Variants in OR52E4 observed in about 807,000 individuals in gnomAD.
OR52E4 encodes the protein olfactory receptor family 52 subfamily E member 4, also known as olfactory receptor 52E4.
For missense variants in OR52E4, 444 were observed against 383.8 expected (o/e 1.16, Z -1.31); for synonymous variants, 169 against 137.4 (o/e 1.23, Z -1.61).
At position 5,884,418 on chromosome 11, in the gene OR52E4, G is replaced by A. The variant is rs1847007443; in HGVS notation, c.126G>A (p.Val42=). The A allele has an allele frequency of 2.5e-6, 4 of 1,613,242 alleles. No individual in the cohort carries two copies. The Admixed American group carries it at 5.0e-5, about 20-fold the overall frequency. ...GTATTGTGTACCTGATTGCCATTGT[G>A]GGGAATATGACCATTCTCTTTGTGA... ...PFCIVYLIAI[V]GNMTILFVIK... is the part of the protein sequence containing the mutation. The change falls in exon 2 of 2, where the codon GTG becomes GTA. Residue 42 remains valine (V), a synonymous_variant. Transcript: ENST00000641726.
In OR52E4 at chr11:5,884,416, G is replaced by A. The variant is rs1350552102; in HGVS notation, c.124G>A (p.Val42Met). 1 of 1,613,244 alleles carries A rather than the reference G, an allele frequency of 6.2e-7. No homozygotes were observed. Among genetic ancestry groups the A allele is most frequent in the African/African-American group, 1.3e-5 (1 of 74,826 alleles). Reference sequence around the variant, plus strand: ...CTGTATTGTGTACCTGATTGCCATTGTGGGGAATATGACCATTCTCTTTGT... The same window carrying A: ...CTGTATTGTGTACCTGATTGCCATTATGGGGAATATGACCATTCTCTTTGT... The part of the protein sequence containing the change: ...PFCIVYLIAI[V>M]GNMTILFVIK... The change falls in exon 2 of 2, where the codon GTG becomes ATG. Residue 42 changes from valine to methionine, a missense_variant. Physicochemically the swap from Val to Met is conservative, Grantham distance 21. Transcript: ENST00000641726.
chr11:5,884,506 G>C lies in OR52E4; in HGVS notation c.214G>C (p.Asp72His), dbSNP rs1847009619. 1.2e-6 allele frequency: 2 copies of C among 1,613,472 alleles called. No individual in the cohort carries two copies. Among genetic ancestry groups the C allele is most frequent in the Non-Finnish European group, 1.7e-6 (2 of 1,179,650 alleles). ...FYFLAMLSMI[D>H]LGLSTSTIPK... ...CTTCCTGGCCATGTTGTCTATGATT[G>C]ATCTGGGTCTGTCCACATCCACTAT... is the stretch of plus-strand genomic sequence containing the variant. The change falls in exon 2 of 2, where the codon GAT becomes CAT. Residue 72 changes from aspartate to histidine, a missense_variant. Physicochemically the swap from Asp to His is moderately conservative, Grantham distance 81. Transcript: ENST00000641726.
At chr11:5,882,723 A>ACT (rs952891717) in intron 1 of OR52E4, among the ~76,000 whole-genome samples, 2 of 149,232 alleles carry the variant, frequency 1.3e-5, no homozygotes, top group Middle Eastern at 3.2e-3. Flanking sequence ...TCTCTCTCTC[A>ACT]CTCTCTGTCT....
intron 1 of OR52E4, among the ~76,000 whole-genome samples, chr11:5,882,220 TAA>T (rs1306875604): frequency 6.6e-6 from 1 of 152,046 alleles, no homozygotes; most frequent in Non-Finnish European, 1.5e-5. Context: ...AGAATTCAGG[TAA>T]AACTGTGAGA....
At position 5,884,744 on chromosome 11, in the gene OR52E4, T is replaced by C. The variant is rs111493577; in HGVS notation, c.452T>C (p.Val151Ala). The change falls in exon 2 of 2, where the codon GTT becomes GCT. Residue 151 changes from valine to alanine, a missense_variant. Val to Ala is a moderately conservative substitution (Grantham distance 64, BLOSUM62 0). Coordinates refer to ENST00000641726, the MANE Select transcript of OR52E4 (RefSeq NM_001005165.2). The stretch of plus-strand genomic sequence containing the variant: ...ATCAGTATCCTAGCTTCTGTGGTTG[T>C]TGGAAGAAATTTAGTTCTTGTAACC... ...KTISILASVV[V>A]GRNLVLVTPF... The C allele has an allele frequency of 1.2e-6, 2 of 1,613,570 alleles. No individual in the cohort carries two copies. The highest frequency in any genetic ancestry group is 2.2e-5 in the East Asian group (1 of 44,870).
At chr11:5,881,784 A>G (rs1846966630) in intron 1 of OR52E4, among the ~76,000 whole-genome samples, 1 of 152,104 alleles carries the variant, frequency 6.6e-6, no homozygotes, top group African/African-American at 2.4e-5. Context: ...ATTAAAATAA[A>G]CCACATTAGT....
Position 5,884,201 on chromosome 11 carries a change from G to C in OR52E4, c.-74-18G>C, listed in dbSNP as rs146417944. On this transcript the variant is annotated intron_variant, in intron 1 of 1. Coordinates refer to ENST00000641726, the MANE Select transcript of OR52E4 (RefSeq NM_001005165.2). ...CATTACCTCTAGCACACTGATAAGA[G>C]TCTTTCTGTTTCTTCAGGAACTTGA... 5.8e-6 allele frequency: 5 copies of C among 866,858 alleles called. No individual in the cohort carries two copies. The highest frequency in any genetic ancestry group is 2.3e-4 in the Middle Eastern group (1 of 4,368). 53.7% of individuals were successfully genotyped at this position (866,858 alleles called of 1,614,324 possible). A position where few individuals can be genotyped will look rare whatever the true frequency, so the allele number is the denominator to read the frequency against.
Position 5,885,115 on chromosome 11 carries a change from A to C in OR52E4, c.823A>C (p.Ile275Leu). The C allele has an allele frequency of 1.2e-6, 2 of 1,613,394 alleles. No individual in the cohort carries two copies. Among genetic ancestry groups the C allele is most frequent in the Non-Finnish European group, 1.7e-6 (2 of 1,179,658 alleles). Residue 275 changes from isoleucine to leucine, a missense_variant, in exon 2 of 2, where the codon ATT becomes CTT. Ile to Leu is a conservative substitution (Grantham distance 5). Coordinates refer to ENST00000641726, the MANE Select transcript of OR52E4 (RefSeq NM_001005165.2). ...FGQNIPHYIH[I>L]LLANLYVVVP... ...CCAAAACATTCCCCACTATATCCAT[A>C]TTCTTTTGGCTAACCTGTATGTGGT...
In OR52E4 at chr11:5,884,374, T is replaced by C; in HGVS notation, c.82T>C (p.Trp28Arg). The C allele has an allele frequency of 6.2e-7, 1 of 1,613,246 alleles. No homozygotes were observed. Among genetic ancestry groups the C allele is most frequent in the Non-Finnish European group, 8.5e-7 (1 of 1,179,392 alleles). ...GIPGLDTLHI[W>R]ISFPFCIVYL... ...ACCAGGACTGGACACTTTACATATC[T>C]GGATTTCTTTCCCATTCTGTATTGT... Residue 28 changes from tryptophan to arginine, a missense_variant, in exon 2 of 2, where the codon TGG becomes CGG. By Grantham distance (101) the Trp-to-Arg change is moderately radical (BLOSUM62 -3). Transcript: ENST00000641726.
rs971653065 is a variant in OR52E4, at chr11:5,886,851, T to A, written c.*1620T>A. 2 of 152,084 alleles carry A rather than the reference T, an allele frequency of 1.3e-5. No individual in the cohort carries two copies. The highest frequency in any genetic ancestry group is 6.6e-5 in the Admixed American group (1 of 15,248). 9.4% of individuals were successfully genotyped at this position (152,084 alleles called of 1,614,324 possible). ...AGCCAAGTAGACAAGAAAAGCAACA[T>A]CACCTATTCAGTATCTGTGAATCTG... On this transcript the variant is annotated 3_prime_UTR_variant, in exon 2 of 2. Transcript: ENST00000641726.
In OR52E4 at chr11:5,885,225, A is replaced by C. The variant is rs764274730; in HGVS notation, c.933A>C (p.Lys311Asn). 6.4e-7 allele frequency: 1 copy of C among 1,573,070 alleles called. No homozygotes were observed. Among genetic ancestry groups the C allele is most frequent in the South Asian group, 1.2e-5 (1 of 86,292 alleles). The change falls in exon 2 of 2, where the codon AAA becomes AAC. Residue 311 changes from lysine to asparagine, a missense_variant. By Grantham distance (94) the Lys-to-Asn change is moderately conservative. Coordinates refer to ENST00000641726, the MANE Select transcript of OR52E4 (RefSeq NM_001005165.2). ...AAATTGTGAAAATATTTGTACAGAA[A>C]GAATAATTCTGTATTAAAGTTTGGA... ...REQIVKIFVQ[K>N]E
Position 5,886,957 on chromosome 11 carries a change from C to G in OR52E4, c.*1726C>G, listed in dbSNP as rs1349764. On this transcript the variant is annotated 3_prime_UTR_variant, in exon 2 of 2. Transcript: ENST00000641726. ...TGTAGATTTTCTTTAGGTCTGTATG[C>G]ATGGGTTCTAATTTGATTTTTGCAG... 121,873 of 151,998 alleles carry G rather than the reference C, an allele frequency of 0.8. 48,935 individuals are homozygous for G. Among genetic ancestry groups the G allele is most frequent in the East Asian group, 0.83 (4,271 of 5,148 alleles). 9.4% of individuals were successfully genotyped at this position (151,998 alleles called of 1,614,324 possible).
rs141226100 is a variant in OR52E4 at position 5,884,996 on chromosome 11, G to C, written c.704G>C (p.Arg235Pro). The change falls in exon 2 of 2, where the codon CGA (arginine) becomes CCA (proline). Residue 235 changes from arginine (R) to proline (P), a missense_variant. Transcript: ENST00000641726. ...AVFRLPSQDV[R>P]LKAFNTCGSH... ...TTTCGCCTTCCCTCTCAAGATGTCC[G>C]ACTAAAGGCCTTCAATACCTGTGGT... The C allele has an allele frequency of 6.2e-7, 1 of 1,613,030 alleles. No homozygotes were observed.
In OR52E4 at chr11:5,885,126, T is replaced by C. The variant is rs1162417867; in HGVS notation, c.834T>C (p.Ala278=). Residue 278 remains alanine (A), a synonymous_variant, in exon 2 of 2, where the codon GCT becomes GCC. Transcript: ENST00000641726. ...NIPHYIHILL[A]NLYVVVPPAL... ...CCCACTATATCCATATTCTTTTGGC[T>C]AACCTGTATGTGGTTGTCCCACCTG... 1.9e-6 allele frequency: 3 copies of C among 1,613,490 alleles called. No individual in the cohort carries two copies. Among genetic ancestry groups the C allele is most frequent in the Non-Finnish European group, 2.5e-6 (3 of 1,179,650 alleles).
At chr11:5,883,704 T>A (rs528118730) in intron 1 of OR52E4, among the ~76,000 whole-genome samples, 7 of 152,034 alleles carry the variant, frequency 4.6e-5, no homozygotes, top group Non-Finnish European at 1.0e-4. Context: ...TAAGTTAAGA[T>A]AATAGAGCTG....
At chr11:5,881,214 T>C (rs1445840069) in intron 1 of OR52E4, among the ~76,000 whole-genome samples, 2 of 152,120 alleles carry the variant, frequency 1.3e-5, no homozygotes, top group East Asian at 1.9e-4. Flanking sequence ...TCCCTCATTG[T>C]CTGAGTGAAT....
rs1409620749 is a variant in OR52E4 at position 5,886,697 on chromosome 11, C to T, written c.*1466C>T. ...CTGAAATTTGTGACTTATCAGGGTA[C>T]TCATGCTTCAAAATCAGAAGAAGTC... is the stretch of plus-strand genomic sequence containing the variant. On this transcript the variant is annotated 3_prime_UTR_variant, in exon 2 of 2. Transcript: ENST00000641726. 6.6e-6 allele frequency: 1 copy of T among 151,988 alleles called. No homozygotes were observed. The highest frequency in any genetic ancestry group is 2.4e-5 in the African/African-American group (1 of 41,390). The allele number at this position is 151,988 out of a possible 1,614,324, so 9.4% of individuals were successfully genotyped here.
Position 5,884,562 on chromosome 11 carries a change from C to G in OR52E4, c.270C>G (p.Asn90Lys). The G allele has an allele frequency of 6.2e-7, 1 of 1,613,522 alleles. No individual in the cohort carries two copies. Among genetic ancestry groups the G allele is most frequent in the Non-Finnish European group, 8.5e-7 (1 of 1,179,716 alleles). Reference protein sequence around the residue: ...IPKMLGIFWFNLQEISFGGCL... With the variant: ...IPKMLGIFWFKLQEISFGGCL... ...AAATGCTAGGAATCTTCTGGTTCAA[C>G]CTCCAAGAGATCAGCTTTGGGGGAT... The change falls in exon 2 of 2, where the codon AAC becomes AAG. Residue 90 changes from asparagine to lysine, a missense_variant. Transcript: ENST00000641726.
chr11:5,882,912 G>A (rs560682037), intron 1 of OR52E4, among the ~76,000 whole-genome samples: 1 of 152,132 alleles, frequency 6.6e-6, no homozygotes, highest in African/African-American at 2.4e-5. Flanking sequence ...AATAAGGCCA[G>A]TACATGCATA....
Sources: allele counts gnomAD v4.1 joint callset (sites outside exome capture counted in the v4.1 genomes callset), GRCh38; gene constraint gnomAD v4.1.1; transcripts MANE v1.5; gene names NCBI Gene and HGNC (gene_info 2026-07-23, HGNC 2026-07-21).